The following MAML2 variants were observed in gnomAD, a reference collection of about 807,000 sequenced individuals.
The protein encoded by MAML2 is mastermind like transcriptional coactivator 2.
MAML2 carries 22 observed loss-of-function variants against 96.1 expected under a neutral mutation model. The ratio of observed to expected loss-of-function variants is 0.23; its 90% CI spans 0.16 to 0.33. MAML2 has a LOEUF of 0.33. Ranked by LOEUF, MAML2 falls within the 10% of genes least tolerant of loss-of-function variation. The pLI is 1.00. For synonymous variants in MAML2, 561 were observed against 521.3 expected (o/e 1.08, Z -1.04); for missense variants, 1,367 against 1,392.4 (o/e 0.98, Z 0.29).
chr11:96,248,090 A>C (rs1210317251), intron 1 of MAML2, among the ~76,000 whole-genome samples: 1 of 151,418 alleles, frequency 6.6e-6, no homozygotes, highest in African/African-American at 2.4e-5. Flanking sequence ...AAATCATTAA[A>C]ATTAACTTCA....
At chr11:96,189,770 C>T (rs1660174996) in intron 1 of MAML2, among the ~76,000 whole-genome samples, 1 of 152,178 alleles carries the variant, frequency 6.6e-6, no homozygotes, top group Non-Finnish European at 1.5e-5. Flanking sequence ...CTGTGGGAAG[C>T]TAATTCTTCA....
chr11:96,146,351 G>A (rs746450513), intron 1 of MAML2, among the ~76,000 whole-genome samples: 3 of 152,176 alleles, frequency 2.0e-5, no homozygotes, highest in Non-Finnish European at 4.4e-5. Flanking sequence ...GGCCAGTCTG[G>A]CTATATGTAC....
At chr11:95,999,446 T>C (rs1223607782) in intron 2 of MAML2, among the ~76,000 whole-genome samples, 1 of 151,840 alleles carries the variant, frequency 6.6e-6, no homozygotes, top group African/African-American at 2.4e-5. Flanking sequence ...CACTGAAGTA[T>C]ATACAGAAAT....
intron 1 of MAML2, among the ~76,000 whole-genome samples, chr11:96,298,098 C>G (rs1288386271): frequency 6.6e-6 from 1 of 152,140 alleles, no homozygotes; most frequent in Non-Finnish European, 1.5e-5. Flanking sequence ...ATTCACTATA[C>G]TTAGGAAATA....
At chr11:96,240,929 C>T (rs1323405901) in intron 1 of MAML2, among the ~76,000 whole-genome samples, 1 of 152,084 alleles carries the variant, frequency 6.6e-6, no homozygotes, top group Non-Finnish European at 1.5e-5. Flanking sequence ...TAATAATTCC[C>T]TGTAGGGTAT....
Position 96,274,608 on chromosome 11 carries a change from T to G in MAML2, c.513+66775A>C, listed in dbSNP as rs544319199. ...AATTAGGTATTAATTAATGTTTAATTATAGGTTTAGTTAAACCTATTAATT... is the reference window on the plus strand; with the variant it reads ...AATTAGGTATTAATTAATGTTTAATGATAGGTTTAGTTAAACCTATTAATT... On this transcript the variant is annotated intron_variant, in intron 1 of 4. Coordinates refer to ENST00000524717, the MANE Select transcript of MAML2 (RefSeq NM_032427.4). Among the ~76,000 whole-genome samples the G allele has an allele frequency of 1.1e-4, 17 of 150,578 alleles. No individual in the cohort carries two copies. In the East Asian group the frequency reaches 2.6e-3, roughly 23 times the overall value.
intron 2 of MAML2, among the ~76,000 whole-genome samples, chr11:96,062,844 C>A (rs1188271553): frequency 2.6e-5 from 4 of 152,174 alleles, no homozygotes; most frequent in African/African-American, 9.7e-5. Context: ...GTGACCCCTT[C>A]AACTTCTGCC....
chr11:96,324,571 T>C lies in MAML2; in HGVS notation c.513+16812A>G, dbSNP rs558253312. On this transcript the variant is annotated intron_variant, in intron 1 of 4. Transcript: ENST00000524717. Reference sequence around the variant, plus strand: ...AGATGTCTGACACTATTGTAGGCCATGGAAATACAAAAATAAATAAGAAGG... The same window carrying C: ...AGATGTCTGACACTATTGTAGGCCACGGAAATACAAAAATAAATAAGAAGG... Among the ~76,000 whole-genome samples, 3 of 152,250 alleles carry C rather than the reference T, an allele frequency of 2.0e-5. No homozygotes were observed. The South Asian group carries it at 6.2e-4, about 32-fold the overall frequency.
chr11:96,331,174 C>A (rs1150311), intron 1 of MAML2, among the ~76,000 whole-genome samples: 24 of 152,012 alleles, frequency 1.6e-4, no homozygotes, highest in African/African-American at 4.8e-4. Flanking sequence ...AGAAGGCTGG[C>A]GGGGAGGATC....
chr11:96,300,931 A>G (rs1863377882), intron 1 of MAML2, among the ~76,000 whole-genome samples: 1 of 152,218 alleles, frequency 6.6e-6, no homozygotes, highest in Non-Finnish European at 1.5e-5. Flanking sequence ...CCTATGCCTC[A>G]GTTTCCTTTT....
intron 2 of MAML2, among the ~76,000 whole-genome samples, chr11:96,083,844 G>A (rs1317168894): frequency 6.6e-6 from 1 of 152,114 alleles, no homozygotes; most frequent in East Asian, 1.9e-4. Context: ...CAAGAACAAA[G>A]ATATATGAGA....
intron 1 of MAML2, among the ~76,000 whole-genome samples, chr11:96,243,859 TAGTC>T (rs1441569068): frequency 6.6e-6 from 1 of 152,148 alleles, no homozygotes; most frequent in Non-Finnish European, 1.5e-5. Flanking sequence ...TTCACCGTGT[TAGTC>T]AGGATGGTTT....
intron 1 of MAML2, among the ~76,000 whole-genome samples, chr11:96,184,439 C>CAAATAAATAAATAAATAAAT (rs139760069): frequency 1.4e-5 from 2 of 145,178 alleles, no homozygotes; most frequent in African/African-American, 5.1e-5. Flanking sequence ...GACTCCATCT[C>CAAATAAATAAATAAATAAAT]AAATAAATAA....
intron 2 of MAML2, among the ~76,000 whole-genome samples, chr11:96,060,546 T>C (rs746340704): frequency 1.3e-5 from 2 of 152,120 alleles, no homozygotes; most frequent in Non-Finnish European, 2.9e-5. Flanking sequence ...ACAGAAACAC[T>C]GAAGCATGCA....
At chr11:96,030,451 G>T (rs1590970635) in intron 2 of MAML2, among the ~76,000 whole-genome samples, 1 of 151,848 alleles carries the variant, frequency 6.6e-6, no homozygotes, top group East Asian at 1.9e-4. Flanking sequence ...ACAAATATAA[G>T]GAAAATTGTT....
chr11:96,182,565 C>T (rs1020978679), intron 1 of MAML2, among the ~76,000 whole-genome samples: 1 of 152,102 alleles, frequency 6.6e-6, no homozygotes, highest in South Asian at 2.1e-4. Flanking sequence ...ATTCAACAAA[C>T]ATTAGCTAAG....
intron 1 of MAML2, among the ~76,000 whole-genome samples, chr11:96,317,924 A>G (rs1863652801): frequency 6.6e-6 from 1 of 152,210 alleles, no homozygotes; most frequent in African/African-American, 2.4e-5. Context: ...CTAAATGGTA[A>G]ACTCCTGAGG....
At chr11:96,235,591 AAAGT>A (rs1862356576) in intron 1 of MAML2, among the ~76,000 whole-genome samples, 1 of 152,190 alleles carries the variant, frequency 6.6e-6, no homozygotes, top group Non-Finnish European at 1.5e-5. Context: ...TCTTATTTGT[AAAGT>A]AAGGAGGGCT....
At position 96,092,216 on chromosome 11, in the gene MAML2, CTGCTGCT is replaced by C; in HGVS notation, c.1808_1814del (p.Gln603ArgfsTer76). 4 of 37,196 alleles carry C rather than the reference CTGCTGCT, an allele frequency of 1.1e-4. No homozygotes were observed. The Admixed American group carries it at 0.015, about 138-fold the overall frequency. The allele number at this position is 37,196 out of a possible 1,614,324, so 2.3% of individuals were successfully genotyped here. On this transcript the variant is annotated frameshift_variant, in exon 2 of 5. Transcript: ENST00000524717. LOFTEE classifies it high-confidence loss of function. The surrounding 1 kb of genome is among the most constrained non-coding windows in gnomAD (Gnocchi z 4.1). ...GTTGCTGCTGCTGCTGCTGTTGCTG[CTGCTGCT>C]GCTGCTGCTGCTGCTGCTGCTGCTG...
Sources: gnomAD v4.1 joint callset for allele counts (sites outside exome capture counted in the v4.1 genomes callset) on GRCh38, gnomAD v4.1.1 for gene constraint, Gnocchi (gnomAD v3.1) non-coding constraint, MANE v1.5 for transcripts, NCBI Gene and HGNC (gene_info 2026-07-23, HGNC 2026-07-21) for gene names.